Variants in LRRC3B observed in about 807,000 individuals in gnomAD.
The protein encoded by LRRC3B is leucine-rich repeat-containing protein 3B.
In LRRC3B, 2 loss-of-function variants were observed where a neutral mutation model predicts 12.8. That is an observed-to-expected ratio of 0.16 (90% CI 0.06 to 0.49). The LOEUF (loss-of-function observed/expected upper bound fraction) is 0.49, where lower values mean the gene tolerates loss of function less well. LRRC3B is among the 20% of genes least tolerant of loss of function. LRRC3B has a pLI of 0.96. For synonymous variants in LRRC3B, 132 were observed against 122.0 expected, an observed-to-expected ratio of 1.08 and a Z score of -0.54; for missense variants, 189 against 319.4, an observed-to-expected ratio of 0.59 and a Z score of 3.11.
chr3:26,668,807 C>G (rs1206051360), intron 1 of LRRC3B, among the ~76,000 whole-genome samples: 1 of 152,152 alleles, frequency 6.6e-6, no homozygotes, highest in Non-Finnish European at 1.5e-5. Context: ...TCCTCTGGCT[C>G]CTTTTCAATG....
intron 1 of LRRC3B, among the ~76,000 whole-genome samples, chr3:26,640,203 A>G (rs1698994273): frequency 6.6e-6 from 1 of 151,852 alleles, no homozygotes; most frequent in Non-Finnish European, 1.5e-5. Flanking sequence ...GTTACCCTAA[A>G]CCCCTATCCT....
At chr3:26,709,615 T>C in exon 2 of LRRC3B, 1 of 1,558,048 alleles carries the variant, frequency 6.4e-7, no homozygotes, top group Admixed American at 1.7e-5. Context: ...GCTGGAACCT[T>C]TACCACGCTT....
chr3:26,658,646 CAA>C (rs1236893155), intron 1 of LRRC3B, among the ~76,000 whole-genome samples: 1 of 152,174 alleles, frequency 6.6e-6, no homozygotes, highest in Non-Finnish European at 1.5e-5. Context: ...CTCTCTTTGA[CAA>C]AGAGTAATAA....
chr3:26,675,243 G>T (rs969547937), intron 1 of LRRC3B, among the ~76,000 whole-genome samples: 1 of 152,172 alleles, frequency 6.6e-6, no homozygotes, highest in African/African-American at 2.4e-5. Flanking sequence ...TATAAACAAA[G>T]CCAATGATTC....
At chr3:26,654,808 G>A (rs1164123504) in intron 1 of LRRC3B, among the ~76,000 whole-genome samples, 1 of 152,112 alleles carries the variant, frequency 6.6e-6, no homozygotes, top group Non-Finnish European at 1.5e-5. Flanking sequence ...TATTTTGTTT[G>A]TTTGTTAATG....
At chr3:26,698,982 ACATCT>A (rs1351360615) in intron 1 of LRRC3B, among the ~76,000 whole-genome samples, 1 of 152,050 alleles carries the variant, frequency 6.6e-6, no homozygotes, top group Non-Finnish European at 1.5e-5. Context: ...TTCAGTTGTG[ACATCT>A]CTTTTCTTTA....
intron 1 of LRRC3B, among the ~76,000 whole-genome samples, chr3:26,700,743 T>C (rs1161501284): frequency 6.6e-6 from 1 of 152,154 alleles, no homozygotes; most frequent in Non-Finnish European, 1.5e-5. Flanking sequence ...TGTAAAATGG[T>C]GTATGGTGCC....
intron 1 of LRRC3B, among the ~76,000 whole-genome samples, chr3:26,691,553 T>A (rs1453747480): frequency 6.6e-6 from 1 of 152,152 alleles, no homozygotes; most frequent in Admixed American, 6.5e-5. Context: ...GAAGGATAAG[T>A]ATTGTGTGAA....
At chr3:26,709,521 G>A in exon 2 of LRRC3B, 1 of 740,344 alleles carries the variant, frequency 1.4e-6, no homozygotes, top group Non-Finnish European at 2.2e-6. Context: ...AGGTGCCCAA[G>A]CAAGGAAAGA....
intron 1 of LRRC3B, among the ~76,000 whole-genome samples, chr3:26,640,099 TG>T: frequency 6.6e-6 from 1 of 152,312 alleles, no homozygotes; most frequent in East Asian, 1.9e-4. Context: ...TATGAAGATT[TG>T]GTGTGGGATC....
At chr3:26,695,102 A>AT (rs1254868462) in intron 1 of LRRC3B, among the ~76,000 whole-genome samples, 1 of 152,066 alleles carries the variant, frequency 6.6e-6, no homozygotes, top group Non-Finnish European at 1.5e-5. Flanking sequence ...ACACATTCAA[A>AT]TTTTTCTCTC....
chr3:26,653,153 G>A (rs1216494367), intron 1 of LRRC3B, among the ~76,000 whole-genome samples: 1 of 151,270 alleles, frequency 6.6e-6, no homozygotes, highest in Non-Finnish European at 1.5e-5. Context: ...TAAAGATGAG[G>A]AAACAAAAAT....
intron 1 of LRRC3B, among the ~76,000 whole-genome samples, chr3:26,677,651 C>T (rs116686199): frequency 0.015 from 2,295 of 152,278 alleles, 44 homozygotes; most frequent in African/African-American, 0.052. Context: ...ATGCCACAAT[C>T]CCAAAGAAAC....
At chr3:26,654,227 C>G (rs1020998996) in intron 1 of LRRC3B, among the ~76,000 whole-genome samples, 5 of 152,182 alleles carry the variant, frequency 3.3e-5, no homozygotes, top group African/African-American at 1.2e-4. Flanking sequence ...GTATTTCTTG[C>G]TATTCCATCT....
chr3:26,665,622 C>T (rs1699582544), intron 1 of LRRC3B, among the ~76,000 whole-genome samples: 2 of 152,088 alleles, frequency 1.3e-5, no homozygotes, highest in South Asian at 4.1e-4. Flanking sequence ...TAAACTGACA[C>T]TAAGTTTGGC....
At chr3:26,659,997 C>T (rs1337047343) in intron 1 of LRRC3B, among the ~76,000 whole-genome samples, 1 of 152,184 alleles carries the variant, frequency 6.6e-6, no homozygotes, top group East Asian at 1.9e-4. Flanking sequence ...CAGCAAATTT[C>T]TCATTCTGCA....
intron 1 of LRRC3B, among the ~76,000 whole-genome samples, chr3:26,695,967 A>G (rs1700305615): frequency 2.0e-5 from 3 of 152,188 alleles, no homozygotes; most frequent in Non-Finnish European, 4.4e-5. Flanking sequence ...ATGTAACCAA[A>G]CCTTTCTCAT....
intron 1 of LRRC3B, among the ~76,000 whole-genome samples, chr3:26,664,620 CTGGT>C (rs1699561687): frequency 6.6e-6 from 1 of 152,100 alleles, no homozygotes; most frequent in Non-Finnish European, 1.5e-5. Flanking sequence ...CTGTGAAACA[CTGGT>C]TGGGTGGTGG....
At chr3:26,707,016 A>G (rs1205640633) in intron 1 of LRRC3B, among the ~76,000 whole-genome samples, 1 of 152,162 alleles carries the variant, frequency 6.6e-6, no homozygotes, top group Non-Finnish European at 1.5e-5. Context: ...GAATAATAAT[A>G]GTAACTAAAA....
Sources: allele counts gnomAD v4.1 joint callset (sites outside exome capture counted in the v4.1 genomes callset), GRCh38; gene constraint gnomAD v4.1.1; transcripts MANE v1.5; gene names NCBI Gene and HGNC (gene_info 2026-07-23, HGNC 2026-07-21).